Variants in TF observed in about 807,000 individuals in gnomAD.
The protein encoded by TF is transferrin, also known as serotransferrin.
TF carries 55 observed loss-of-function variants against 82.4 expected under a neutral mutation model. The observed-to-expected ratio is 0.67, with a 90% CI of 0.54 to 0.84. The LOEUF is 0.84. Ranked by LOEUF, TF falls within the 40% of genes least tolerant of loss-of-function variation. The pLI, the probability that TF is intolerant of heterozygous loss-of-function variation, is 0.00. For missense variants in TF, 737 were observed against 868.4 expected, an observed-to-expected ratio of 0.85 and a Z score of 1.90; for synonymous variants, 332 against 332.6, an observed-to-expected ratio of 1.00 and a Z score of 0.02.
At chr3:133,667,282 A>G in the TF span, among the ~76,000 whole-genome samples, 1 of 150,612 alleles carries the variant, frequency 6.6e-6, no homozygotes, top group African/African-American at 2.4e-5. Flanking sequence ...GCTTGAGCCC[A>G]GGAGTTTGAG....
At chr3:133,663,351 A>ATTTT in the TF span, among the ~76,000 whole-genome samples, 726 of 127,990 alleles carry the variant, frequency 5.7e-3, 24 homozygotes, top group African/African-American at 0.016. Context: ...AATATCATTA[A>ATTTT]TTTTTTTTTT....
At chr3:133,679,122 C>T in the TF span, among the ~76,000 whole-genome samples, 78 of 152,286 alleles carry the variant, frequency 5.1e-4, no homozygotes, top group Middle Eastern at 3.4e-3. Flanking sequence ...CCACCCGCCT[C>T]AGCCTCCCAA....
chr3:133,756,979 C>T lies in TF; in HGVS notation c.840C>T (p.Asp280=), dbSNP rs199615422. The T allele has an allele frequency of 6.2e-7, 1 of 1,614,144 alleles. No homozygotes were observed. The highest frequency in any genetic ancestry group is 2.2e-5 in the East Asian group (1 of 44,870). ...CCCGAAGTATGGGCGGCAAGGAGGA[C>T]TTGATCTGGGAGCTTCTCAACCAGG... ...VVARSMGGKE[D]LIWELLNQAQ... is the part of the protein sequence containing the mutation. Residue 280 remains aspartate, a synonymous_variant, in exon 7 of 17, where the codon GAC becomes GAT. Transcript: ENST00000402696.
the TF span, among the ~76,000 whole-genome samples, chr3:133,737,496 A>AC: frequency 1.4e-3 from 132 of 95,304 alleles, no homozygotes; most frequent in Non-Finnish European, 2.5e-3. Flanking sequence ...AGAGACACAC[A>AC]AAAAAAAACC....
At chr3:133,685,947 A>G in the TF span, among the ~76,000 whole-genome samples, 1 of 152,230 alleles carries the variant, frequency 6.6e-6, no homozygotes, top group Non-Finnish European at 1.5e-5. Context: ...ACTTCAAACT[A>G]TACTACATGG....
the TF span, among the ~76,000 whole-genome samples, chr3:133,667,837 T>G: frequency 1.3e-5 from 2 of 152,340 alleles, no homozygotes; most frequent in East Asian, 3.9e-4. Flanking sequence ...ACATAGTTTC[T>G]CATCACCTCC....
rs1934861036 is a variant in TF, at chr3:133,792,324, T to C, written c.*13704T>C. The C allele has an allele frequency of 6.6e-6, 1 of 152,216 alleles. No individual in the cohort carries two copies. The highest frequency in any genetic ancestry group is 2.1e-4 in the South Asian group (1 of 4,828). The allele number at this position is 152,216 out of a possible 1,614,324, so 9.4% of individuals were successfully genotyped here. On this transcript the variant is annotated 3_prime_UTR_variant, in exon 17 of 17. Transcript: ENST00000402696. ...TTAGAAAGTCAAAGCATGTCGTAGA[T>C]GGTCTGTGTAAGTCATGAAATAATT...
intron 4 of TF, among the ~76,000 whole-genome samples, chr3:133,754,946 C>T (rs748954417): frequency 1.3e-5 from 2 of 152,174 alleles, no homozygotes; most frequent in African/African-American, 2.4e-5. Flanking sequence ...TCAGTCTAGG[C>T]GATGGTGGTT....
chr3:133,701,385 T>C, the TF span, among the ~76,000 whole-genome samples: 1 of 152,228 alleles, frequency 6.6e-6, no homozygotes, highest in African/African-American at 2.4e-5. Context: ...ACTACCACCA[T>C]CCAGAGGTTT....
upstream of TF, among the ~76,000 whole-genome samples, chr3:133,741,528 C>T (rs1481844849): frequency 6.6e-6 from 1 of 152,156 alleles, no homozygotes; most frequent in Non-Finnish European, 1.5e-5. Context: ...ATTCAGCATG[C>T]CACATTAAGT....
At position 133,789,827 on chromosome 3, in the gene TF, A is replaced by C. The variant is rs190453961; in HGVS notation, c.*11207A>C. On this transcript the variant is annotated 3_prime_UTR_variant, in exon 17 of 17. Transcript: ENST00000402696. ...ATATTTTGAGGTGTTAGGGTTTGGC[A>C]TAGAAGGTTATAAAACTATAAACCC... 1.9e-4 allele frequency: 28 copies of C among 149,568 alleles called. No homozygotes were observed. The highest frequency in any genetic ancestry group is 5.9e-4 in the African/African-American group (24 of 40,484). 9.3% of individuals were successfully genotyped at this position (149,568 alleles called of 1,614,324 possible).
chr3:133,732,601 A>G, the TF span, among the ~76,000 whole-genome samples: 3 of 152,336 alleles, frequency 2.0e-5, no homozygotes, highest in South Asian at 2.1e-4. Context: ...TTGGGTCCAC[A>G]CTACCTTTAT....
the TF span, among the ~76,000 whole-genome samples, chr3:133,705,440 T>C: frequency 1.3e-5 from 2 of 152,314 alleles, no homozygotes; most frequent in South Asian, 2.1e-4. Context: ...GGATGACTTA[T>C]TACACAGCTA....
chr3:133,777,657 A>C (rs1016684273), intron 16 of TF: 8 of 192,916 alleles, frequency 4.1e-5, no homozygotes, highest in African/African-American at 1.9e-4. Context: ...ACCTAGCTGC[A>C]TTTCAAGTGC....
chr3:133,702,289 T>C, the TF span, among the ~76,000 whole-genome samples: 1 of 149,474 alleles, frequency 6.7e-6, no homozygotes, highest in Non-Finnish European at 1.5e-5. Context: ...GCTGGACTCC[T>C]GGGGGGCTCA....
At chr3:133,684,734 T>C in the TF span, among the ~76,000 whole-genome samples, 1 of 152,094 alleles carries the variant, frequency 6.6e-6, no homozygotes, top group Admixed American at 6.5e-5. Context: ...CCAAAAAAAG[T>C]CCAGGACCAG....
intron 15 of TF, 38 bp downstream of exon 15, chr3:133,775,655 G>C: frequency 6.2e-7 from 1 of 1,607,740 alleles, no homozygotes; most frequent in Non-Finnish European, 8.5e-7. Context: ...TTTCTTCCTA[G>C]ATGGCCATAG....
Position 133,756,766 on chromosome 3 carries a change from T to G in TF, c.692-65T>G. 3 of 1,594,984 alleles carry G rather than the reference T, an allele frequency of 1.9e-6. No homozygotes were observed. In the Middle Eastern group the frequency reaches 5.4e-4, roughly 285 times the overall value. On this transcript the variant is annotated intron_variant, in intron 6 of 16. Coordinates refer to ENST00000402696, the MANE Select transcript of TF (RefSeq NM_001063.4). Reference sequence around the variant, plus strand: ...CATACTTTCTATGATCAATTGAATTTCAAGGATGGGCACCACAGCCCATGG... The same window carrying G: ...CATACTTTCTATGATCAATTGAATTGCAAGGATGGGCACCACAGCCCATGG...
intron 2 of TF, among the ~76,000 whole-genome samples, chr3:133,752,867 G>A (rs1933714129): frequency 6.6e-6 from 1 of 152,010 alleles, no homozygotes; most frequent in Non-Finnish European, 1.5e-5. Context: ...CCAGAGATGA[G>A]CAAAAATGGA....
Sources: gnomAD v4.1 joint callset for allele counts (sites outside exome capture counted in the v4.1 genomes callset) on GRCh38, gnomAD v4.1.1 for gene constraint, MANE v1.5 for transcripts, NCBI Gene and HGNC (gene_info 2026-07-23, HGNC 2026-07-21) for gene names.